PTPRD: variants seen among roughly 807,000 people sequenced by gnomAD.
PTPRD encodes receptor-type tyrosine-protein phosphatase delta.
A neutral mutation model predicts 214.5 loss-of-function variants in PTPRD; 34 were observed. The ratio of observed to expected loss-of-function variants is 0.16; its 90% CI spans 0.12 to 0.21. The LOEUF (loss-of-function observed/expected upper bound fraction) is 0.21, where lower values mean the gene tolerates loss of function less well. Ranked by LOEUF, PTPRD falls within the 10% of genes least tolerant of loss-of-function variation. The pLI is 1.00. For synonymous variants in PTPRD, 1,128 were observed against 845.7 expected (o/e 1.33, Z -5.79); for missense variants, 2,545 against 2,398.7 (o/e 1.06, Z -1.27).
chr9:9,395,446 C>T (rs191502959), intron 9 of PTPRD, among the ~76,000 whole-genome samples: 9 of 152,204 alleles, frequency 5.9e-5, no homozygotes, highest in Non-Finnish European at 1.2e-4. Context: ...GCCTTTTCGA[C>T]TTCACAGTTG....
At chr9:9,630,614 G>C (rs1288744898) in intron 7 of PTPRD, among the ~76,000 whole-genome samples, 1 of 152,166 alleles carries the variant, frequency 6.6e-6, no homozygotes, top group African/African-American at 2.4e-5. Context: ...CCATTTAAAA[G>C]AGCTGATGAA....
At chr9:10,117,034 A>C (rs1000127969) in intron 3 of PTPRD, among the ~76,000 whole-genome samples, 1 of 152,066 alleles carries the variant, frequency 6.6e-6, no homozygotes, top group African/African-American at 2.4e-5. Flanking sequence ...TATACTACAT[A>C]ATTTACTATG....
At chr9:8,922,348 T>C (rs1421554164) in intron 11 of PTPRD, among the ~76,000 whole-genome samples, 3 of 152,036 alleles carry the variant, frequency 2.0e-5, no homozygotes, top group Admixed American at 6.6e-5. Flanking sequence ...TGATGAGGAA[T>C]AGGCATTTTT....
intron 2 of PTPRD, among the ~76,000 whole-genome samples, chr9:10,381,722 T>G (rs1000832242): frequency 6.6e-6 from 1 of 151,950 alleles, no homozygotes. Flanking sequence ...TATCTACAGA[T>G]TTTTTGGCTC....
At chr9:9,065,880 C>T (rs1278092523) in intron 10 of PTPRD, among the ~76,000 whole-genome samples, 1 of 152,074 alleles carries the variant, frequency 6.6e-6, no homozygotes, top group South Asian at 2.1e-4. Context: ...TCTCAGTTGT[C>T]TTATTTGCTA....
intron 8 of PTPRD, among the ~76,000 whole-genome samples, chr9:9,563,916 G>C (rs548502087): frequency 9.2e-5 from 14 of 152,064 alleles, no homozygotes; most frequent in African/African-American, 3.4e-4. Context: ...TTCTCCACAT[G>C]ACTTAGCCCA....
chr9:8,634,275 T>A (rs2096356266), intron 13 of PTPRD, among the ~76,000 whole-genome samples: 1 of 152,038 alleles, frequency 6.6e-6, no homozygotes, highest in African/African-American at 2.4e-5. Flanking sequence ...AACAAATATG[T>A]ATACAATATT....
At position 8,975,300 on chromosome 9, in the gene PTPRD, A is replaced by C. The variant is rs116776122; in HGVS notation, c.-104+43397T>G. Among the ~76,000 whole-genome samples the C allele has an allele frequency of 2.0e-5, 3 of 152,124 alleles. No homozygotes were observed. In the East Asian group the frequency reaches 5.8e-4, roughly 30 times the overall value. On this transcript the variant is annotated intron_variant, in intron 11 of 45. Coordinates refer to ENST00000381196, the MANE Select transcript of PTPRD (RefSeq NM_002839.4). ...GATTCCTAATGATAATTAAACAATCACTTTGTTTCAAGAACATTTCTATGT... is the reference window on the plus strand; with the variant it reads ...GATTCCTAATGATAATTAAACAATCCCTTTGTTTCAAGAACATTTCTATGT...
At chr9:8,809,794 G>A (rs1477344168) in intron 11 of PTPRD, among the ~76,000 whole-genome samples, 2 of 152,210 alleles carry the variant, frequency 1.3e-5, no homozygotes, top group East Asian at 3.9e-4. Flanking sequence ...TGATATGACG[G>A]GTGTGAGGCA....
chr9:8,851,186 T>C (rs10759004), intron 11 of PTPRD, among the ~76,000 whole-genome samples: 34,240 of 141,506 alleles, frequency 0.24, 4,659 homozygotes, highest in South Asian at 0.38. Context: ...CTTTCTAAGA[T>C]GCACTACCAT....
At chr9:10,518,372 G>A (rs1029717704) in intron 2 of PTPRD, among the ~76,000 whole-genome samples, 5 of 152,048 alleles carry the variant, frequency 3.3e-5, no homozygotes, top group African/African-American at 1.2e-4. Context: ...CCTACATGTA[G>A]GGCAAATTTT....
intron 11 of PTPRD, among the ~76,000 whole-genome samples, chr9:8,766,057 G>C (rs560784115): frequency 6.6e-6 from 1 of 151,940 alleles, no homozygotes; most frequent in Non-Finnish European, 1.5e-5. Flanking sequence ...AGGCCCTCTT[G>C]GTGGATAGTC....
intron 11 of PTPRD, among the ~76,000 whole-genome samples, chr9:8,885,777 G>A (rs976656006): frequency 3.9e-5 from 6 of 152,024 alleles, no homozygotes; most frequent in Non-Finnish European, 7.4e-5. Context: ...GATTATCAGC[G>A]TGACCCACCG....
intron 2 of PTPRD, among the ~76,000 whole-genome samples, chr9:10,420,357 T>C (rs2098534729): frequency 6.6e-6 from 1 of 151,888 alleles, no homozygotes; most frequent in African/African-American, 2.4e-5. Flanking sequence ...ATATTGAAAA[T>C]GGCTCAACAA....
intron 11 of PTPRD, chr9:8,962,085 A>G (rs904616384): frequency 1.1e-4 from 16 of 152,094 alleles, no homozygotes; most frequent in African/African-American, 3.9e-4. Flanking sequence ...AAAAAGAGCC[A>G]TTTCTTCTTT....
chr9:10,119,822 A>G (rs1591647558), intron 3 of PTPRD, among the ~76,000 whole-genome samples: 1 of 152,190 alleles, frequency 6.6e-6, no homozygotes, highest in East Asian at 1.9e-4. Flanking sequence ...CAGAGTTGTA[A>G]CATAGCTCCG....
At chr9:8,331,432 GAAAAGA>G in intron 44 of PTPRD, 144 bp downstream of exon 44, 1 of 948,766 alleles carries the variant, frequency 1.1e-6, no homozygotes, top group South Asian at 1.9e-5. Context: ...TTCACTTTAT[GAAAAGA>G]AAGAGAAATC....
intron 14 of PTPRD, among the ~76,000 whole-genome samples, chr9:8,608,597 G>T (rs938557727): frequency 6.6e-6 from 1 of 151,812 alleles, no homozygotes. Context: ...AGGGCAGCAG[G>T]GAATCTGAAT....
chr9:8,678,422 A>G (rs943105077), intron 12 of PTPRD, among the ~76,000 whole-genome samples: 1 of 152,160 alleles, frequency 6.6e-6, no homozygotes, highest in African/African-American at 2.4e-5. Context: ...AAACTTTGTC[A>G]TAATCTAAGG....
Sources: gnomAD v4.1 joint callset for allele counts (sites outside exome capture counted in the v4.1 genomes callset) on GRCh38, gnomAD v4.1.1 for gene constraint, MANE v1.5 for transcripts, NCBI Gene and HGNC (gene_info 2026-07-23, HGNC 2026-07-21) for gene names.